The following MCHR2 variants were observed in gnomAD, a reference collection of about 807,000 sequenced individuals.
MCHR2 encodes the protein melanin-concentrating hormone receptor 2.
In MCHR2, 15 loss-of-function variants were observed where a neutral mutation model predicts 24.8. That is an observed-to-expected ratio of 0.60 (90% confidence interval 0.40 to 0.93). The LOEUF is 0.93. Among genes scored for constraint, MCHR2 ranks in the 40% least tolerant of loss-of-function variants. MCHR2 has a pLI of 0.00. For missense variants in MCHR2, 386 were observed against 408.7 expected, an observed-to-expected ratio of 0.94 and a Z score of 0.48; for synonymous variants, 151 against 147.6, an observed-to-expected ratio of 1.02 and a Z score of -0.17.
intron 1 of MCHR2, among the ~76,000 whole-genome samples, chr6:99,992,381 C>T (rs544446572): frequency 6.6e-6 from 1 of 152,332 alleles, no homozygotes; most frequent in East Asian, 1.9e-4. Flanking sequence ...ATTTAGCCCA[C>T]AACTTGGGTT....
At chr6:99,949,340 G>T (rs1774927011) in intron 2 of MCHR2, among the ~76,000 whole-genome samples, 1 of 152,080 alleles carries the variant, frequency 6.6e-6, no homozygotes, top group Non-Finnish European at 1.5e-5. Flanking sequence ...ACAAAGAAGG[G>T]GCCCCCTCCT....
chr6:99,970,577 T>A (rs546070356), intron 1 of MCHR2, among the ~76,000 whole-genome samples: 2 of 152,344 alleles, frequency 1.3e-5, no homozygotes, highest in South Asian at 2.1e-4. Context: ...TAGATCCCAT[T>A]TGTCAATTTT....
chr6:99,964,212 A>G (rs1775250558), intron 1 of MCHR2, among the ~76,000 whole-genome samples: 1 of 152,146 alleles, frequency 6.6e-6, no homozygotes. Flanking sequence ...AGGCATTATT[A>G]AAGTTGAATA....
At chr6:99,993,177 C>A (rs780829739) in intron 1 of MCHR2, among the ~76,000 whole-genome samples, 8 of 152,076 alleles carry the variant, frequency 5.3e-5, no homozygotes, top group Non-Finnish European at 1.0e-4. Flanking sequence ...TGGGGCAAAG[C>A]CTCATTAAAA....
At chr6:99,983,257 C>T (rs1775706166) in intron 1 of MCHR2, among the ~76,000 whole-genome samples, 1 of 152,180 alleles carries the variant, frequency 6.6e-6, no homozygotes, top group Non-Finnish European at 1.5e-5. Context: ...AGGTGTGAAC[C>T]ACCATGCCCA....
chr6:99,956,052 T>C lies in MCHR2; in HGVS notation c.96A>G (p.Val32=), dbSNP rs745446708. The part of the protein sequence containing the change: ...KEFAYQTASV[V]DTVILPSMIG... ...TCATGGAAGGGAGGATGACTGTATC[T>C]ACCACACTGGCAGTTTGATAAGCAA... Residue 32 remains valine, a synonymous_variant, in exon 2 of 6, where the codon GTA becomes GTG. Coordinates refer to ENST00000281806, the MANE Select transcript of MCHR2 (RefSeq NM_001040179.2). 21 of 1,613,512 alleles carry C rather than the reference T, an allele frequency of 1.3e-5. No individual in the cohort carries two copies. The highest frequency in any genetic ancestry group is 1.7e-5 in the Non-Finnish European group (20 of 1,179,626).
At chr6:99,929,410 A>G (rs374700098) in intron 5 of MCHR2, among the ~76,000 whole-genome samples, 10 of 152,172 alleles carry the variant, frequency 6.6e-5, no homozygotes, top group Admixed American at 3.3e-4. Flanking sequence ...TTTCTGTCTC[A>G]TTGATCTGTC....
At chr6:99,967,368 A>C (rs767752604) in intron 1 of MCHR2, among the ~76,000 whole-genome samples, 1 of 152,194 alleles carries the variant, frequency 6.6e-6, no homozygotes, top group Non-Finnish European at 1.5e-5. Flanking sequence ...AGTGTTAAGA[A>C]GTCTGAAAAG....
intron 1 of MCHR2, among the ~76,000 whole-genome samples, chr6:99,976,339 A>G (rs761111652): frequency 1.6e-4 from 24 of 152,208 alleles, no homozygotes; most frequent in Non-Finnish European, 3.4e-4. Flanking sequence ...CACAAGTCTC[A>G]ACCTTTTTAT....
At chr6:99,957,167 A>G (rs1370492268) in intron 1 of MCHR2, among the ~76,000 whole-genome samples, 2 of 152,132 alleles carry the variant, frequency 1.3e-5, no homozygotes, top group African/African-American at 2.4e-5. Context: ...GTCTGGATGA[A>G]GTCCAGAGAA....
At chr6:99,945,541 G>T (rs1461695802) in intron 3 of MCHR2, among the ~76,000 whole-genome samples, 3 of 152,090 alleles carry the variant, frequency 2.0e-5, no homozygotes, top group Non-Finnish European at 4.4e-5. Context: ...TGAAATGCAT[G>T]ATCTATTAAA....
chr6:99,945,130 T>C (rs1258509664), intron 3 of MCHR2, among the ~76,000 whole-genome samples: 1 of 152,198 alleles, frequency 6.6e-6, no homozygotes, highest in African/African-American at 2.4e-5. Context: ...AATATACAAT[T>C]ACTTGTGGGA....
chr6:99,975,759 A>G (rs543326506), intron 1 of MCHR2, among the ~76,000 whole-genome samples: 1 of 152,342 alleles, frequency 6.6e-6, no homozygotes, highest in South Asian at 2.1e-4. Flanking sequence ...TCACTACTTC[A>G]TTTCTGCCTC....
At chr6:99,929,910 G>T (rs1296911228) in intron 5 of MCHR2, among the ~76,000 whole-genome samples, 3 of 150,288 alleles carry the variant, frequency 2.0e-5, no homozygotes, top group African/African-American at 4.9e-5. Flanking sequence ...TTGCTCGTTA[G>T]TTGATGCAGT....
chr6:99,970,304 T>C (rs905694915), intron 1 of MCHR2, among the ~76,000 whole-genome samples: 1 of 152,250 alleles, frequency 6.6e-6, no homozygotes, highest in African/African-American at 2.4e-5. Flanking sequence ...ATTTCTCTGA[T>C]GGCCAGTGAT....
chr6:99,963,165 G>A (rs567473496), intron 1 of MCHR2, among the ~76,000 whole-genome samples: 26 of 152,162 alleles, frequency 1.7e-4, no homozygotes, highest in Non-Finnish European at 2.6e-4. Flanking sequence ...ATGTGGAAAA[G>A]TTGGAACTCT....
At chr6:99,931,465 G>A (rs1402061325) in intron 5 of MCHR2, among the ~76,000 whole-genome samples, 2 of 152,192 alleles carry the variant, frequency 1.3e-5, no homozygotes, top group Non-Finnish European at 2.9e-5. Flanking sequence ...TGGCAGGCAG[G>A]CCTCCTTGAG....
chr6:99,969,653 G>T (rs1775362427), intron 1 of MCHR2, among the ~76,000 whole-genome samples: 1 of 150,272 alleles, frequency 6.7e-6, no homozygotes, highest in African/African-American at 2.4e-5. Flanking sequence ...GTGCCATGTT[G>T]GTGTGCTGCA....
chr6:99,973,178 T>C (rs1775468546), intron 1 of MCHR2, among the ~76,000 whole-genome samples: 1 of 151,720 alleles, frequency 6.6e-6, no homozygotes, highest in South Asian at 2.1e-4. Flanking sequence ...AAGTCTCCCA[T>C]TATTATTGTG....
Sources: allele counts gnomAD v4.1 joint callset (sites outside exome capture counted in the v4.1 genomes callset), GRCh38; gene constraint gnomAD v4.1.1; transcripts MANE v1.5; gene names NCBI Gene and HGNC (gene_info 2026-07-23, HGNC 2026-07-21).